The following SYNJ1 variants were observed in gnomAD, a reference collection of about 807,000 sequenced individuals.
SYNJ1 encodes polyphosphatidylinositol phosphatase SYNJ1.
In SYNJ1, 78 loss-of-function variants were observed where a neutral mutation model predicts 168.2. The observed-to-expected ratio is 0.46, with a 90% CI of 0.39 to 0.56. The LOEUF is 0.56. SYNJ1 is among the 20% of genes least tolerant of loss of function. The probability of loss-of-function intolerance (pLI) is 0.00; values close to 1 mark genes in which losing one functional copy is unlikely to be tolerated. For missense variants in SYNJ1, 1,303 were observed against 1,597.6 expected (o/e 0.82, Z 3.14); for synonymous variants, 539 against 548.6 (o/e 0.98, Z 0.24).
chr21:32,710,558 A>C (rs1479259027), intron 2 of SYNJ1, among the ~76,000 whole-genome samples: 1 of 151,156 alleles, frequency 6.6e-6, no homozygotes, highest in South Asian at 2.1e-4. Flanking sequence ...AGGATCTCTC[A>C]CTCTCACCCA....
chr21:32,708,361 C>T (rs886243165), intron 2 of SYNJ1, among the ~76,000 whole-genome samples: 1 of 152,198 alleles, frequency 6.6e-6, no homozygotes, highest in Admixed American at 6.5e-5. Context: ...GCACTTTCAA[C>T]GAATGGAATA....
intron 21 of SYNJ1, 87 bp downstream of exon 21, chr21:32,656,600 A>C (rs1461080474): frequency 1.2e-5 from 14 of 1,194,326 alleles, no homozygotes; most frequent in Non-Finnish European, 1.6e-5. Context: ...CTTTTTTAAA[A>C]TTCTCTCCTT....
At chr21:32,707,161 C>T (rs2042639474) in intron 2 of SYNJ1, among the ~76,000 whole-genome samples, 3 of 152,038 alleles carry the variant, frequency 2.0e-5, no homozygotes, top group Admixed American at 1.3e-4. Flanking sequence ...CAAATTAAAA[C>T]ACCACTTCCC....
intron 17 of SYNJ1, 109 bp downstream of exon 17, chr21:32,665,834 A>C (rs1290993443): frequency 4.5e-6 from 5 of 1,117,678 alleles, no homozygotes; most frequent in East Asian, 2.6e-5. Context: ...GAATATTCTT[A>C]ATGTTTCTAG....
intron 31 of SYNJ1, among the ~76,000 whole-genome samples, chr21:32,635,334 G>A (rs1048084183): frequency 6.6e-6 from 1 of 152,162 alleles, no homozygotes; most frequent in Admixed American, 6.5e-5. Context: ...TGGAATCAGT[G>A]TCCTTATGAG....
In SYNJ1 at chr21:32,653,279, C is replaced by T; in HGVS notation, c.2874+9G>A. 6.2e-7 allele frequency: 1 copy of T among 1,606,700 alleles called. No homozygotes were observed. The highest frequency in any genetic ancestry group is 8.5e-7 in the Non-Finnish European group (1 of 1,174,836). On this transcript the variant is annotated intron_variant, in intron 22 of 32. Coordinates refer to ENST00000674351, the MANE Select transcript of SYNJ1 (RefSeq NM_203446.3). The stretch of plus-strand genomic sequence containing the variant: ...CAGAATGGTTTAGAATCAACAAATG[C>T]TACCTTACCTCTTTACCATTTAGGC...
chr21:32,698,908 C>T (rs1185155175), intron 4 of SYNJ1, among the ~76,000 whole-genome samples: 1 of 152,114 alleles, frequency 6.6e-6, no homozygotes, highest in Non-Finnish European at 1.5e-5. Flanking sequence ...GAATAGGAAA[C>T]GTGAGTAACA....
At chr21:32,698,969 T>A (rs550651926) in intron 4 of SYNJ1, among the ~76,000 whole-genome samples, 3 of 152,332 alleles carry the variant, frequency 2.0e-5, no homozygotes, top group Non-Finnish European at 4.4e-5. Flanking sequence ...CTATTTTAAA[T>A]GTATTTTGGA....
chr21:32,691,220 T>C (rs2042015152), intron 6 of SYNJ1, among the ~76,000 whole-genome samples: 1 of 152,206 alleles, frequency 6.6e-6, no homozygotes, highest in Non-Finnish European at 1.5e-5. Flanking sequence ...CTATGCCCCC[T>C]TGTATTGTTC....
At chr21:32,723,950 A>C (rs190016300) in intron 2 of SYNJ1, among the ~76,000 whole-genome samples, 5 of 152,340 alleles carry the variant, frequency 3.3e-5, no homozygotes, top group Admixed American at 3.3e-4. Flanking sequence ...TGAAGGAAGA[A>C]GACCTGAGTA....
rs576812798 is a variant in SYNJ1 at position 32,675,101 on chromosome 21, T to G, written c.1534+1231A>C. Among the ~76,000 whole-genome samples, 55 of 152,262 alleles carry G rather than the reference T, an allele frequency of 3.6e-4. No homozygotes were observed. In the South Asian group the frequency reaches 0.011, roughly 32 times the overall value. On this transcript the variant is annotated intron_variant, in intron 13 of 32. Coordinates refer to ENST00000674351, the MANE Select transcript of SYNJ1 (RefSeq NM_203446.3). ...CTGACTGTACCTAGATAAAAATAAT[T>G]CTCTATAATTATGGTTTATCATTGC... is the stretch of plus-strand genomic sequence containing the variant.
chr21:32,709,753 G>A (rs1200139873), intron 2 of SYNJ1, among the ~76,000 whole-genome samples: 4 of 151,700 alleles, frequency 2.6e-5, no homozygotes, highest in African/African-American at 4.8e-5. Flanking sequence ...CCTGAGCTCC[G>A]GTGATCCTCC....
intron 4 of SYNJ1, 55 bp from the exon 5 acceptor site, chr21:32,695,337 G>T: frequency 2.0e-6 from 3 of 1,490,674 alleles, no homozygotes; most frequent in South Asian, 2.5e-5. Context: ...AACAAAGTAT[G>T]ACTTTTAAAA....
intron 2 of SYNJ1, among the ~76,000 whole-genome samples, chr21:32,721,675 T>C (rs1488742558): frequency 1.3e-5 from 2 of 150,778 alleles, no homozygotes; most frequent in Non-Finnish European, 2.9e-5. Context: ...CAAGACTCCA[T>C]CTTGGAAAAA....
At chr21:32,715,155 A>G (rs1464786978) in intron 2 of SYNJ1, among the ~76,000 whole-genome samples, 1 of 152,194 alleles carries the variant, frequency 6.6e-6, no homozygotes, top group Non-Finnish European at 1.5e-5. Context: ...TTATTTAATT[A>G]TAAGATTCTG....
Position 32,726,905 on chromosome 21 carries a change from T to G in SYNJ1, c.-10A>C, listed in dbSNP as rs1366001589. ...CTTTACTGAACGCCATTCTCCTTTC[T>G]TCGGAGGCAGCCCTGCGAAAACCAA... On this transcript the variant is annotated 5_prime_UTR_variant, in exon 2 of 33. Transcript: ENST00000674351. 1 of 1,613,912 alleles carries G rather than the reference T, an allele frequency of 6.2e-7. No homozygotes were observed.
At chr21:32,699,755 T>C in intron 4 of SYNJ1, 83 bp downstream of exon 4, 1 of 1,501,518 alleles carries the variant, frequency 6.7e-7, no homozygotes, top group Non-Finnish European at 8.9e-7. Context: ...TTTCTTGCTG[T>C]CACGGTGAGG....
chr21:32,677,420 G>A (rs1601390117), intron 12 of SYNJ1, among the ~76,000 whole-genome samples: 1 of 152,126 alleles, frequency 6.6e-6, no homozygotes, highest in Admixed American at 6.6e-5. Flanking sequence ...TTTTTTAAAG[G>A]TATGATTTTA....
chr21:32,672,490 C>A (rs2041244135), intron 14 of SYNJ1, among the ~76,000 whole-genome samples: 2 of 152,060 alleles, frequency 1.3e-5, no homozygotes, highest in Admixed American at 6.5e-5. Flanking sequence ...CAGGCGCACA[C>A]CACCACACCC....
Sources: gnomAD v4.1 joint callset for allele counts (sites outside exome capture counted in the v4.1 genomes callset) on GRCh38, gnomAD v4.1.1 for gene constraint, MANE v1.5 for transcripts, NCBI Gene and HGNC (gene_info 2026-07-23, HGNC 2026-07-21) for gene names.